TAP1: variants seen among roughly 807,000 people sequenced by gnomAD.
The protein encoded by TAP1 is transporter 1, ATP binding cassette subfamily B member, also known as antigen peptide transporter 1.
A neutral mutation model predicts 79.3 loss-of-function variants in TAP1; 56 were observed. The observed-to-expected ratio is 0.71, with a 90% CI of 0.57 to 0.88. TAP1 has a LOEUF of 0.88. Ranked by LOEUF, TAP1 falls within the 40% of genes least tolerant of loss-of-function variation. TAP1 has a pLI of 0.00. For missense variants in TAP1, 737 were observed against 936.3 expected (o/e 0.79, Z 2.78); for synonymous variants, 355 against 401.4 (o/e 0.88, Z 1.38).
rs908963904 is a variant in TAP1, at chr6:32,847,652, T to C, written c.1764A>G (p.Pro588=). The C allele has an allele frequency of 1.2e-6, 2 of 1,613,920 alleles. No individual in the cohort carries two copies. The highest frequency in any genetic ancestry group is 2.2e-5 in the South Asian group (2 of 91,068). ...CTTGAAGACTTCTTCCAAATACCTG[T>C]GGCTCTTGTCCCACTGCAGCCACCT... ...HRQVAAVGQE[P]QVFGRSLQEN... Residue 588 remains proline (P), a synonymous_variant, in exon 9 of 11, where the codon CCA becomes CCG. Transcript: ENST00000354258. The surrounding 1 kb of genome is among the most constrained non-coding windows in gnomAD (Gnocchi z 4.7).
chr6:32,847,171 C>A lies in TAP1; in HGVS notation c.1937G>T (p.Gly646Val), dbSNP rs765527607. ...GGCCAACGCCACTGCCTGTCGCTGA[C>A]CCCCTGACAGCTGGCTCCCAGCCTC... is the stretch of plus-strand genomic sequence containing the variant. Reference protein sequence around the residue: ...VDEAGSQLSGGQRQAVALARA... With the variant: ...VDEAGSQLSGVQRQAVALARA... The change falls in exon 10 of 11, where the codon GGT becomes GTT. Residue 646 changes from glycine to valine, a missense_variant. Coordinates refer to ENST00000354258, the MANE Select transcript of TAP1 (RefSeq NM_000593.6). The surrounding 1 kb of genome is among the most constrained non-coding windows in gnomAD (Gnocchi z 4.7). The A allele has an allele frequency of 6.2e-7, 1 of 1,612,590 alleles. No homozygotes were observed. The highest frequency in any genetic ancestry group is 8.5e-7 in the Non-Finnish European group (1 of 1,180,038).
In TAP1 at chr6:32,845,250, G is replaced by A. The variant is rs1027186150; in HGVS notation, c.*329C>T. The A allele has an allele frequency of 2.1e-6, 1 of 475,180 alleles. No individual in the cohort carries two copies. Among genetic ancestry groups the A allele is most frequent in the Non-Finnish European group, 3.8e-6 (1 of 260,274 alleles). The allele number at this position is 475,180 out of a possible 1,614,324, so 29.4% of individuals were successfully genotyped here. On this transcript the variant is annotated 3_prime_UTR_variant, in exon 11 of 11. Transcript: ENST00000354258. The surrounding 1 kb of genome is among the most constrained non-coding windows in gnomAD (Gnocchi z 4.5). ...TATTATAAATATCAAGAACCTACAG[G>A]GTGTTTATGGGCCAGCATATGCCTT...
chr6:32,852,545 A>G lies in TAP1; in HGVS notation c.599-43T>C. 1 of 1,611,514 alleles carries G rather than the reference A, an allele frequency of 6.2e-7. No homozygotes were observed. On this transcript the variant is annotated intron_variant, in intron 1 of 10. Transcript: ENST00000354258. The surrounding 1 kb of genome is among the most constrained non-coding windows in gnomAD (Gnocchi z 4.8). ...AGGTCACGCACAAATATTAAGTCTA[A>G]GTAGGTCAGTTCCAGTCAGACTGGC...
Position 32,851,996 on chromosome 6 carries a change from A to C in TAP1, c.844+113T>G. 1 of 1,418,778 alleles carries C rather than the reference A, an allele frequency of 7.0e-7. No individual in the cohort carries two copies. Among genetic ancestry groups the C allele is most frequent in the Non-Finnish European group, 9.8e-7 (1 of 1,016,730 alleles). The allele number at this position is 1,418,778 out of a possible 1,614,324, so 87.9% of individuals were successfully genotyped here. ...GAGGGTATATCAAGAATGAGAAGGA[A>C]CAATGTGTGTATGTGTGTGTGAGAG... On this transcript the variant is annotated intron_variant, in intron 3 of 10. Transcript: ENST00000354258. This position sits in a 1 kb window ranked among gnomAD's most constrained non-coding sequence, Gnocchi z 4.8.
rs1228803173 is a variant in TAP1, at chr6:32,853,013, C to G, written c.598+26G>C. 1 of 1,603,288 alleles carries G rather than the reference C, an allele frequency of 6.2e-7. No individual in the cohort carries two copies. The highest frequency in any genetic ancestry group is 1.3e-5 in the African/African-American group (1 of 74,976). On this transcript the variant is annotated intron_variant, in intron 1 of 10. Coordinates refer to ENST00000354258, the MANE Select transcript of TAP1 (RefSeq NM_000593.6). This position sits in a 1 kb window ranked among gnomAD's most constrained non-coding sequence, Gnocchi z 8.3. ...TCCTGTCCCAGTCCCCTTGTGTCCT[C>G]CCCTCTTGCCCTGCGTTCCCCTTAC... is the stretch of plus-strand genomic sequence containing the variant.
chr6:32,848,446 G>A (rs145707176), intron 7 of TAP1, among the ~76,000 whole-genome samples: 154 of 152,356 alleles, frequency 1.0e-3, no homozygotes, highest in Admixed American at 1.9e-3. Context: ...CACTCTCTTC[G>A]AAACCTCTTC....
rs1311716145 is a variant in TAP1, at chr6:32,845,553, T to C, written c.*26A>G. 16 of 1,610,618 alleles carry C rather than the reference T, an allele frequency of 9.9e-6. No homozygotes were observed. Among genetic ancestry groups the C allele is most frequent in the Non-Finnish European group, 1.4e-5 (16 of 1,178,156 alleles). On this transcript the variant is annotated 3_prime_UTR_variant, in exon 11 of 11. Coordinates refer to ENST00000354258, the MANE Select transcript of TAP1 (RefSeq NM_000593.6). This position sits in a 1 kb window ranked among gnomAD's most constrained non-coding sequence, Gnocchi z 4.5. ...ACAGAGAGAAGAAAAGGGAGGGAGA[T>C]GGAGTGCGCAGGTCTGAGAAGGCTT...
At position 32,852,427 on chromosome 6, in the gene TAP1, G is replaced by A. The variant is rs759108552; in HGVS notation, c.674C>T (p.Thr225Ile). The part of the protein sequence containing the change: ...ILQDGSADTF[T>I]RNLTLMSILT... ...AATGGACATGAGAGTTAAGTTTCGA[G>A]TGAAGGTATCGGCTGAGCCATCTTG... Residue 225 changes from threonine to isoleucine, a missense_variant, in exon 2 of 11, where the codon ACT becomes ATT. By Grantham distance (89) the Thr-to-Ile change is moderately conservative. This residue lies in a region of TAP1 where 406 missense variants were observed against 477.2 expected (regional missense o/e 0.85). Transcript: ENST00000354258. The surrounding 1 kb of genome is among the most constrained non-coding windows in gnomAD (Gnocchi z 4.8). 11 of 1,613,074 alleles carry A rather than the reference G, an allele frequency of 6.8e-6. No homozygotes were observed. Among genetic ancestry groups the A allele is most frequent in the Non-Finnish European group, 5.9e-6 (7 of 1,180,038 alleles).
At position 32,853,206 on chromosome 6, in the gene TAP1, T is replaced by A; in HGVS notation, c.431A>T (p.Tyr144Phe). 1 of 1,612,078 alleles carries A rather than the reference T, an allele frequency of 6.2e-7. No individual in the cohort carries two copies. Among genetic ancestry groups the A allele is most frequent in the South Asian group, 1.1e-5 (1 of 90,838 alleles). Residue 144 changes from tyrosine (Y) to phenylalanine (F), a missense_variant, in exon 1 of 11, where the codon TAT becomes TTT. Physicochemically the swap from Tyr to Phe is conservative, Grantham distance 22. Around this residue, in one of 5 missense-constraint regions of TAP1, gnomAD observed 406 missense variants for 477.2 expected, o/e 0.85. Coordinates refer to ENST00000354258, the MANE Select transcript of TAP1 (RefSeq NM_000593.6). This position sits in a 1 kb window ranked among gnomAD's most constrained non-coding sequence, Gnocchi z 8.3. ...GSHPTAFVVS[Y>F]AAALPAAALW... ...GGCTGCTGCGGGCAGTGCCGCTGCA[T>A]AACTGACAACGAAGGCGGTAGGGTG...
chr6:32,852,667 A>T lies in TAP1; in HGVS notation c.599-165T>A, dbSNP rs1770865884. 1 of 1,518,486 alleles carries T rather than the reference A, an allele frequency of 6.6e-7. No homozygotes were observed. The highest frequency in any genetic ancestry group is 1.4e-5 in the African/African-American group (1 of 72,520). The allele number at this position is 1,518,486 out of a possible 1,614,324, so 94.1% of individuals were successfully genotyped here. A position where few individuals can be genotyped will look rare whatever the true frequency, so the allele number is the denominator to read the frequency against. The stretch of plus-strand genomic sequence containing the variant: ...CCCGAACCTAAATAGGCTGCCCTGG[A>T]ACTCACTACCCTGTGGTTGCTCTAC... On this transcript the variant is annotated intron_variant, in intron 1 of 10. Transcript: ENST00000354258. This position sits in a 1 kb window ranked among gnomAD's most constrained non-coding sequence, Gnocchi z 4.8.
intron 7 of TAP1, 102 bp downstream of exon 7, chr6:32,848,550 A>G: frequency 7.9e-7 from 1 of 1,261,354 alleles, no homozygotes; most frequent in Non-Finnish European, 1.2e-6. Flanking sequence ...AGGGTTAGGG[A>G]GGATATATGC....
chr6:32,851,292 C>T lies in TAP1; in HGVS notation c.845-143G>A. The T allele has an allele frequency of 1.3e-6, 1 of 764,480 alleles. No individual in the cohort carries two copies. 47.4% of individuals were successfully genotyped at this position (764,480 alleles called of 1,614,324 possible). A position where few individuals can be genotyped will look rare whatever the true frequency, so the allele number is the denominator to read the frequency against. ...TGCAGGAAACAAGGTTAGGGTTCTCCAGAGGTCTGCAAATCTCAGTGCAGG... is the reference window on the plus strand; with the variant it reads ...TGCAGGAAACAAGGTTAGGGTTCTCTAGAGGTCTGCAAATCTCAGTGCAGG... On this transcript the variant is annotated intron_variant, in intron 3 of 10. Coordinates refer to ENST00000354258, the MANE Select transcript of TAP1 (RefSeq NM_000593.6). The surrounding 1 kb of genome is among the most constrained non-coding windows in gnomAD (Gnocchi z 4.8).
In TAP1 at chr6:32,850,311, G is replaced by C; in HGVS notation, c.1248+9C>G. 6.2e-7 allele frequency: 1 copy of C among 1,614,068 alleles called. No individual in the cohort carries two copies. The highest frequency in any genetic ancestry group is 8.5e-7 in the Non-Finnish European group (1 of 1,179,870). On this transcript the variant is annotated intron_variant, in intron 5 of 10. Coordinates refer to ENST00000354258, the MANE Select transcript of TAP1 (RefSeq NM_000593.6). The surrounding 1 kb of genome is among the most constrained non-coding windows in gnomAD (Gnocchi z 5.5). ...ACAAGGGAATGGGTATTCATCTTCA[G>C]GTGCTCACACTAGTGGTCCAGGAGT...
chr6:32,848,538 A>T, intron 7 of TAP1, 114 bp downstream of exon 7: 1 of 1,199,274 alleles, frequency 8.3e-7, no homozygotes, highest in Non-Finnish European at 1.2e-6. Flanking sequence ...CATTGCCTTT[A>T]AAGGGTTAGG....
At chr6:32,849,231 C>G in intron 5 of TAP1, 113 bp from the exon 6 acceptor site, 2 of 1,357,742 alleles carry the variant, frequency 1.5e-6, no homozygotes, top group Non-Finnish European at 1.0e-6. Flanking sequence ...TAAGTGACAT[C>G]GGCAGGCTCA....
chr6:32,847,980 C>T lies in TAP1; in HGVS notation c.1679G>A (p.Gly560Glu), dbSNP rs1039177039. Residue 560 changes from glycine to glutamate, a missense_variant, in exon 8 of 11, where the codon GGA (glycine) becomes GAA (glutamate). Around this residue, in one of 5 missense-constraint regions of TAP1, gnomAD observed 266 missense variants for 332.4 expected, o/e 0.80. Coordinates refer to ENST00000354258, the MANE Select transcript of TAP1 (RefSeq NM_000593.6). This position sits in a 1 kb window ranked among gnomAD's most constrained non-coding sequence, Gnocchi z 4.7. Reference sequence around the variant, plus strand: ...GGGCTTCCCATCCAACAGCAGCTGTCCCCCGGTGGGCTGGTACAGATTCTG... The same window carrying T: ...GGGCTTCCCATCCAACAGCAGCTGTTCCCCGGTGGGCTGGTACAGATTCTG... The part of the protein sequence containing the change: ...LLQNLYQPTG[G>E]QLLLDGKPLP... 1.9e-6 allele frequency: 3 copies of T among 1,612,998 alleles called. No homozygotes were observed. Among genetic ancestry groups the T allele is most frequent in the Non-Finnish European group, 2.5e-6 (3 of 1,180,050 alleles).
chr6:32,850,879 G>A lies in TAP1; in HGVS notation c.1050+65C>T, dbSNP rs981415689. ...AGCTGGACTGAAAGCAATGTGAGAG[G>A]AACTGAGTCTGCCAAGTCTGGGAGA... On this transcript the variant is annotated intron_variant, in intron 4 of 10. Coordinates refer to ENST00000354258, the MANE Select transcript of TAP1 (RefSeq NM_000593.6). The surrounding 1 kb of genome is among the most constrained non-coding windows in gnomAD (Gnocchi z 5.5). The A allele has an allele frequency of 3.5e-6, 5 of 1,420,082 alleles. No homozygotes were observed. The highest frequency in any genetic ancestry group is 5.0e-6 in the Non-Finnish European group (5 of 1,006,422). 88.0% of individuals were successfully genotyped at this position (1,420,082 alleles called of 1,614,324 possible).
intron 10 of TAP1, 146 bp downstream of exon 10, chr6:32,846,921 TG>T: frequency 8.6e-7 from 1 of 1,168,184 alleles, no homozygotes; most frequent in Non-Finnish European, 1.3e-6. Flanking sequence ...CTCTACTCCT[TG>T]GGGAGGCATC....
rs1190736073 is a variant in TAP1 at position 32,851,941 on chromosome 6, GAGAC to G, written c.844+164_844+167del. Among the ~76,000 whole-genome samples the G allele has an allele frequency of 1.3e-5, 2 of 148,724 alleles. No individual in the cohort carries two copies. The highest frequency in any genetic ancestry group is 2.5e-5 in the African/African-American group (1 of 40,046). On this transcript the variant is annotated intron_variant, in intron 3 of 10. Transcript: ENST00000354258. The surrounding 1 kb of genome is among the most constrained non-coding windows in gnomAD (Gnocchi z 4.8). ...TGTGTGTGTGAGAGAGAGAGAGAGA[GAGAC>G]AGAGACAGAGAGAGAGAGACAGGGA... is the stretch of plus-strand genomic sequence containing the variant.
Sources: allele counts gnomAD v4.1 joint callset (sites outside exome capture counted in the v4.1 genomes callset), GRCh38; gene constraint gnomAD v4.1.1; regional missense constraint gnomAD v4.1.1; non-coding constraint Gnocchi (gnomAD v3.1); transcripts MANE v1.5; gene names NCBI Gene and HGNC (gene_info 2026-07-23, HGNC 2026-07-21).